The following CABP1 variants were observed in gnomAD, a reference collection of about 807,000 sequenced individuals.
CABP1 encodes calcium-binding protein 1.
In CABP1, 17 loss-of-function variants were observed where a neutral mutation model predicts 34.3. That is an observed-to-expected ratio of 0.50 (90% CI 0.34 to 0.74). CABP1 has a LOEUF of 0.74. Among genes scored for constraint, CABP1 ranks in the 30% least tolerant of loss-of-function variants. The pLI, the probability that CABP1 is intolerant of heterozygous loss-of-function variation, is 0.01. For synonymous variants in CABP1, 198 were observed against 229.2 expected, an observed-to-expected ratio of 0.86 and a Z score of 1.23; for missense variants, 373 against 511.1, an observed-to-expected ratio of 0.73 and a Z score of 2.61.
At chr12:120,650,430 A>T in intron 1 of CABP1, 3 of 1,301,894 alleles carry the variant, frequency 2.3e-6, no homozygotes, top group Non-Finnish European at 3.0e-6. Flanking sequence ...CACACAATCC[A>T]CCCAAAAAAA....
At chr12:120,670,917 G>A (rs1273590701), downstream of CABP1, among the ~76,000 whole-genome samples, 2 of 152,136 alleles carry the variant, frequency 1.3e-5, no homozygotes, top group African/African-American at 4.8e-5. Flanking sequence ...CTGTCCTCAA[G>A]GAGTTCAGAC....
intron 1 of CABP1, among the ~76,000 whole-genome samples, chr12:120,649,260 C>A (rs368987551): frequency 1.4e-4 from 22 of 152,126 alleles, no homozygotes; most frequent in East Asian, 7.7e-4. Context: ...TCTGAGCAGC[C>A]CCCCCACACG....
At chr12:120,651,228 C>A (rs1301104362) in intron 1 of CABP1, among the ~76,000 whole-genome samples, 2 of 152,170 alleles carry the variant, frequency 1.3e-5, no homozygotes, top group African/African-American at 4.8e-5. Context: ...GTCAGAGTAT[C>A]TCAAATAGGA....
chr12:120,676,012 G>A, the CABP1 span, among the ~76,000 whole-genome samples: 1 of 152,118 alleles, frequency 6.6e-6, no homozygotes, highest in Non-Finnish European at 1.5e-5. Context: ...GGAGGTGGAG[G>A]TTGCAGTGAA....
chr12:120,671,781 GC>G (rs1432204605), downstream of CABP1, among the ~76,000 whole-genome samples: 1 of 152,206 alleles, frequency 6.6e-6, no homozygotes, highest in Non-Finnish European at 1.5e-5. Flanking sequence ...AAAGCAGAGA[GC>G]TAGGCTGGGT....
At chr12:120,648,243 TCC>T (rs947678875) in intron 1 of CABP1, among the ~76,000 whole-genome samples, 2 of 152,132 alleles carry the variant, frequency 1.3e-5, no homozygotes, top group African/African-American at 4.8e-5. Context: ...TCACTCACAT[TCC>T]CAGAGTTTTT....
the CABP1 span, among the ~76,000 whole-genome samples, chr12:120,680,028 C>T: frequency 1.3e-5 from 2 of 151,800 alleles, no homozygotes; most frequent in Non-Finnish European, 2.9e-5. Context: ...AAAAATTAGC[C>T]AGATGTGGTG....
In CABP1 at chr12:120,644,936, C is replaced by T. The variant is rs564384524; in HGVS notation, c.654+3597C>T. The stretch of plus-strand genomic sequence containing the variant: ...TCACGTGCTTCAGCCTCCTGAATAG[C>T]TGGAATTACAGGTGCCTGCCACCGC... On this transcript the variant is annotated intron_variant, in intron 1 of 5. Coordinates refer to ENST00000316803, the MANE Select transcript of CABP1 (RefSeq NM_001033677.2). Among the ~76,000 whole-genome samples the T allele has an allele frequency of 1.6e-4, 24 of 152,280 alleles. No individual in the cohort carries two copies. In the South Asian group the frequency reaches 3.5e-3, roughly 22 times the overall value.
chr12:120,658,378 G>A (rs187149578), intron 1 of CABP1, among the ~76,000 whole-genome samples: 12 of 152,208 alleles, frequency 7.9e-5, no homozygotes, highest in African/African-American at 2.6e-4. Context: ...GATTACAGGC[G>A]TGGACCACCG....
the CABP1 span, among the ~76,000 whole-genome samples, chr12:120,674,174 G>A: frequency 6.6e-6 from 1 of 152,196 alleles, no homozygotes; most frequent in Non-Finnish European, 1.5e-5. Flanking sequence ...ATGGAACGAG[G>A]CCATATCTCA....
At chr12:120,673,944 G>A in the CABP1 span, among the ~76,000 whole-genome samples, 288 of 152,344 alleles carry the variant, frequency 1.9e-3, 2 homozygotes, top group African/African-American at 6.7e-3. Flanking sequence ...CACTTTGGAA[G>A]GCCAAAGTGA....
the CABP1 span, among the ~76,000 whole-genome samples, chr12:120,680,078 C>T: frequency 6.6e-6 from 1 of 152,056 alleles, no homozygotes; most frequent in African/African-American, 2.4e-5. Flanking sequence ...GAGGCTGGGG[C>T]AGGAGAATTG....
chr12:120,666,975 C>G lies in CABP1; in HGVS notation c.*75C>G. 1 of 1,526,870 alleles carries G rather than the reference C, an allele frequency of 6.5e-7. No individual in the cohort carries two copies. The highest frequency in any genetic ancestry group is 8.8e-7 in the Non-Finnish European group (1 of 1,133,824). 94.6% of individuals were successfully genotyped at this position (1,526,870 alleles called of 1,614,324 possible). ...GAGGAGCTAGAGCTTGCCTCACCCG[C>G]TGTAGCCGCCGAGAGCCCAGGATGT... On this transcript the variant is annotated 3_prime_UTR_variant, in exon 6 of 6. Coordinates refer to ENST00000316803, the MANE Select transcript of CABP1 (RefSeq NM_001033677.2).
At chr12:120,650,634 T>G (rs1413729637) in intron 1 of CABP1, 3 of 1,613,906 alleles carry the variant, frequency 1.9e-6, no homozygotes, top group Non-Finnish European at 2.5e-6. Context: ...TGCCTCAACT[T>G]AGGATGGGCA....
intron 1 of CABP1, among the ~76,000 whole-genome samples, chr12:120,658,623 G>A (rs1414692114): frequency 1.3e-5 from 2 of 152,214 alleles, no homozygotes; most frequent in African/African-American, 2.4e-5. Context: ...TCCCTTTCTA[G>A]ATGATCTGCA....
Position 120,667,276 on chromosome 12 carries a change from C to T in CABP1, c.*376C>T, listed in dbSNP as rs934814383. 2.8e-6 allele frequency: 1 copy of T among 361,452 alleles called. No homozygotes were observed. Among genetic ancestry groups the T allele is most frequent in the South Asian group, 3.9e-5 (1 of 25,668 alleles). 22.4% of individuals were successfully genotyped at this position (361,452 alleles called of 1,614,324 possible). ...CCTTCGCTCTGCGCCCGTCCCAGCTCGCCTCAGCCCTGTTATCTCAGAACC... is the reference window on the plus strand; with the variant it reads ...CCTTCGCTCTGCGCCCGTCCCAGCTTGCCTCAGCCCTGTTATCTCAGAACC... On this transcript the variant is annotated 3_prime_UTR_variant, in exon 6 of 6. Coordinates refer to ENST00000316803, the MANE Select transcript of CABP1 (RefSeq NM_001033677.2).
At chr12:120,672,164 C>T (rs896937551), downstream of CABP1, among the ~76,000 whole-genome samples, 1 of 152,092 alleles carries the variant, frequency 6.6e-6, no homozygotes. Flanking sequence ...GGGATCAAAT[C>T]TGAATCTGAT....
chr12:120,657,795 T>C (rs566709628), intron 1 of CABP1, among the ~76,000 whole-genome samples: 180 of 152,216 alleles, frequency 1.2e-3, no homozygotes, highest in African/African-American at 4.0e-3. Flanking sequence ...GGGGCTGCCA[T>C]GGGGTCAGCA....
intron 1 of CABP1, chr12:120,655,393 A>T: frequency 4.0e-6 from 1 of 249,540 alleles, no homozygotes; most frequent in Non-Finnish European, 6.6e-6. Context: ...AGATCACGCC[A>T]CTGCACTCCA....
Sources: gnomAD v4.1 joint callset for allele counts (sites outside exome capture counted in the v4.1 genomes callset) on GRCh38, gnomAD v4.1.1 for gene constraint, MANE v1.5 for transcripts, NCBI Gene and HGNC (gene_info 2026-07-23, HGNC 2026-07-21) for gene names.